The following CSMD1 variants were observed in gnomAD, a reference collection of about 807,000 sequenced individuals.
CSMD1 encodes the protein CUB and sushi domain-containing protein 1.
In CSMD1, 213 loss-of-function variants were observed where a neutral mutation model predicts 417.5. The ratio of observed to expected loss-of-function variants is 0.51; its 90% CI spans 0.46 to 0.57. CSMD1 has a LOEUF of 0.57. CSMD1 is among the 20% of genes least tolerant of loss of function. The probability of loss-of-function intolerance (pLI) is 0.00; values close to 1 mark genes in which losing one functional copy is unlikely to be tolerated. For synonymous variants in CSMD1, 2,862 were observed against 1,736.8 expected (o/e 1.65, Z -16.11); for missense variants, 6,923 against 4,529.7 (o/e 1.53, Z -15.17).
intron 5 of CSMD1, among the ~76,000 whole-genome samples, chr8:3,764,980 G>A (rs1007067859): frequency 2.6e-5 from 4 of 151,942 alleles, no homozygotes; most frequent in African/African-American, 9.7e-5. Flanking sequence ...CCTGACCTCA[G>A]GTGATCTGCC....
intron 5 of CSMD1, among the ~76,000 whole-genome samples, chr8:3,864,090 A>G (rs1804913770): frequency 6.6e-6 from 1 of 152,126 alleles, no homozygotes; most frequent in Non-Finnish European, 1.5e-5. Context: ...AACATACAAT[A>G]TTTTCACCTG....
At chr8:2,957,658 A>G in intron 63 of CSMD1, 38 bp downstream of exon 63, 1 of 1,237,838 alleles carries the variant, frequency 8.1e-7, no homozygotes, top group Non-Finnish European at 1.2e-6. Flanking sequence ...CACAATAAAT[A>G]GGTGACTTGT....
chr8:4,866,615 G>A (rs1225381217), intron 1 of CSMD1, among the ~76,000 whole-genome samples: 1 of 151,834 alleles, frequency 6.6e-6, no homozygotes, highest in African/African-American at 2.4e-5. Flanking sequence ...AAGTAGCTGA[G>A]TCATAACCTC....
At chr8:4,834,017 G>A (rs765357402) in intron 1 of CSMD1, among the ~76,000 whole-genome samples, 1 of 152,094 alleles carries the variant, frequency 6.6e-6, no homozygotes, top group Non-Finnish European at 1.5e-5. Context: ...ATAGACCCGG[G>A]ATGCAATATC....
chr8:4,442,829 GTT>G (rs1798561928), intron 2 of CSMD1, among the ~76,000 whole-genome samples: 1 of 152,134 alleles, frequency 6.6e-6, no homozygotes, highest in Admixed American at 6.5e-5. Context: ...AAATATGTAA[GTT>G]GCCTTTATTT....
In CSMD1 at chr8:4,191,564, T is replaced by C. The variant is rs76261656; in HGVS notation, c.416-159465A>G. ...TCTGAACTACAACTGAAAATGCTTG[T>C]ACTTCATCCATGAATCACTGTTCTT... is the stretch of plus-strand genomic sequence containing the variant. On this transcript the variant is annotated intron_variant, in intron 3 of 69. Coordinates refer to ENST00000635120, the MANE Select transcript of CSMD1 (RefSeq NM_033225.6). Among the ~76,000 whole-genome samples the C allele has an allele frequency of 4.9e-3, 750 of 152,276 alleles. 3 individuals are homozygous for C. The highest frequency in any genetic ancestry group is 7.2e-3 in the Non-Finnish European group (489 of 68,024).
At chr8:3,903,395 G>C (rs896183820) in intron 5 of CSMD1, among the ~76,000 whole-genome samples, 1 of 152,004 alleles carries the variant, frequency 6.6e-6, no homozygotes, top group African/African-American at 2.4e-5. Flanking sequence ...ATTATCATAA[G>C]CTTTCCAATG....
intron 3 of CSMD1, among the ~76,000 whole-genome samples, chr8:4,367,682 C>T (rs1014157821): frequency 3.9e-5 from 6 of 152,106 alleles, no homozygotes; most frequent in Non-Finnish European, 8.8e-5. Context: ...ATTGAGTCTT[C>T]CTGACCATGA....
intron 26 of CSMD1, among the ~76,000 whole-genome samples, chr8:3,274,010 T>C (rs1392872712): frequency 6.6e-6 from 1 of 151,784 alleles, no homozygotes; most frequent in Non-Finnish European, 1.5e-5. Context: ...GTTCTTTTAA[T>C]TGTGATGTTA....
At chr8:3,045,282 A>G (rs1266799021) in intron 50 of CSMD1, among the ~76,000 whole-genome samples, 1 of 152,196 alleles carries the variant, frequency 6.6e-6, no homozygotes, top group African/African-American at 2.4e-5. Flanking sequence ...CTGTTTAACA[A>G]CCATTTAATG....
At chr8:3,152,315 C>A (rs777640282) in intron 39 of CSMD1, among the ~76,000 whole-genome samples, 1 of 152,192 alleles carries the variant, frequency 6.6e-6, no homozygotes, top group Non-Finnish European at 1.5e-5. Context: ...ATTTGAAGTT[C>A]CAATCTTTGA....
At chr8:3,290,899 G>C (rs928602621) in intron 25 of CSMD1, among the ~76,000 whole-genome samples, 46 of 152,076 alleles carry the variant, frequency 3.0e-4, no homozygotes, top group Non-Finnish European at 6.2e-4. Context: ...TCCTGGTCTT[G>C]TGCCTGTTTT....
rs56699678 is a variant in CSMD1, at chr8:4,341,684, A to G, written c.415+78269T>C. Reference sequence around the variant, plus strand: ...CATCTTTCAGCAAAGCGACGCAGTCAAGATAAATGGAAACCTAAGATTAGT... The same window carrying G: ...CATCTTTCAGCAAAGCGACGCAGTCGAGATAAATGGAAACCTAAGATTAGT... On this transcript the variant is annotated intron_variant, in intron 3 of 69. Transcript: ENST00000635120. Among the ~76,000 whole-genome samples, 237 of 152,310 alleles carry G rather than the reference A, an allele frequency of 1.6e-3. 2 individuals are homozygous for G. The highest frequency in any genetic ancestry group is 5.5e-3 in the African/African-American group (227 of 41,588).
intron 4 of CSMD1, among the ~76,000 whole-genome samples, chr8:4,013,939 T>A (rs559579264): frequency 6.6e-6 from 1 of 152,180 alleles, no homozygotes; most frequent in South Asian, 2.1e-4. Flanking sequence ...CCAGCCCTGA[T>A]TGATAAGTGT....
chr8:3,580,063 C>G (rs1800317719), intron 9 of CSMD1, among the ~76,000 whole-genome samples: 1 of 151,956 alleles, frequency 6.6e-6, no homozygotes, highest in Non-Finnish European at 1.5e-5. Context: ...AAGATAGCAC[C>G]ACTGTACTAC....
chr8:3,603,714 TTTC>T (rs1470769229), intron 8 of CSMD1, among the ~76,000 whole-genome samples: 1 of 152,202 alleles, frequency 6.6e-6, no homozygotes, highest in Admixed American at 6.5e-5. Context: ...GTTTCCAAAT[TTTC>T]TTAAAAAACC....
At position 4,377,220 on chromosome 8, in the gene CSMD1, G is replaced by C. The variant is rs190076786; in HGVS notation, c.415+42733C>G. 8.5e-5 allele frequency among the ~76,000 whole-genome samples: 13 copies of C among 152,242 alleles called. No homozygotes were observed. The South Asian group carries it at 1.2e-3, about 15-fold the overall frequency. On this transcript the variant is annotated intron_variant, in intron 3 of 69. Coordinates refer to ENST00000635120, the MANE Select transcript of CSMD1 (RefSeq NM_033225.6). The stretch of plus-strand genomic sequence containing the variant: ...TTGGAAGGGCTGAGAGCGCAAAAGA[G>C]GAAAATAATTAACCGAGATTAGTAA...
intron 3 of CSMD1, among the ~76,000 whole-genome samples, chr8:4,401,048 C>CA (rs1804613597): frequency 6.6e-6 from 1 of 151,996 alleles, no homozygotes; most frequent in Non-Finnish European, 1.5e-5. Context: ...GCTGAGCATG[C>CA]AATATGATAT....
At chr8:3,076,302 C>G (rs1813678197) in intron 49 of CSMD1, among the ~76,000 whole-genome samples, 1 of 74,080 alleles carries the variant, frequency 1.3e-5, no homozygotes, top group Non-Finnish European at 2.8e-5. Flanking sequence ...ACCTCTGTCT[C>G]TGCAGGCTAA....
Sources: gnomAD v4.1 joint callset for allele counts (sites outside exome capture counted in the v4.1 genomes callset) on GRCh38, gnomAD v4.1.1 for gene constraint, MANE v1.5 for transcripts, NCBI Gene and HGNC (gene_info 2026-07-23, HGNC 2026-07-21) for gene names.